ACOT12: variants seen among roughly 807,000 people sequenced by gnomAD.
The protein encoded by ACOT12 is acyl-CoA thioesterase 12.
Under a neutral mutation model 67.7 loss-of-function variants are expected in ACOT12, and 51 were observed. The ratio of observed to expected loss-of-function variants is 0.75; its 90% CI spans 0.60 to 0.95. The LOEUF (loss-of-function observed/expected upper bound fraction) is 0.95, where lower values mean the gene tolerates loss of function less well. ACOT12 is among the 40% of genes least tolerant of loss of function. The pLI is 0.00. For synonymous variants in ACOT12, 251 were observed against 244.6 expected (o/e 1.03, Z -0.24); for missense variants, 734 against 708.1 (o/e 1.04, Z -0.41).
intron 1 of ACOT12, among the ~76,000 whole-genome samples, chr5:81,388,998 T>C (rs1760800037): frequency 6.6e-6 from 1 of 152,230 alleles, no homozygotes. Context: ...TGTGAGTCCG[T>C]TAAATCTCTT....
chr5:81,389,929 T>C (rs1427455690), intron 1 of ACOT12, among the ~76,000 whole-genome samples: 1 of 150,896 alleles, frequency 6.6e-6, no homozygotes, highest in African/African-American at 2.4e-5. Context: ...TTTCCACAAA[T>C]CTCTGACACT....
chr5:81,386,735 C>T (rs751096863), intron 1 of ACOT12, among the ~76,000 whole-genome samples: 18 of 152,086 alleles, frequency 1.2e-4, no homozygotes, highest in South Asian at 2.1e-4. Flanking sequence ...CTTCCTTGTG[C>T]GTACTGGATC....
At chr5:81,382,682 T>C (rs796170683) in intron 2 of ACOT12, among the ~76,000 whole-genome samples, 26 of 151,966 alleles carry the variant, frequency 1.7e-4, no homozygotes, top group African/African-American at 6.0e-4. Flanking sequence ...GCCCCTGTAA[T>C]CCCAGCTACT....
At chr5:81,382,479 T>C (rs1760610501) in intron 2 of ACOT12, among the ~76,000 whole-genome samples, 1 of 152,134 alleles carries the variant, frequency 6.6e-6, no homozygotes, top group Admixed American at 6.5e-5. Context: ...TGCTCAAAGA[T>C]GGGGCAGTCT....
the ACOT12 span, chr5:81,312,625 A>G: frequency 6.2e-7 from 1 of 1,613,922 alleles, no homozygotes. Context: ...AAACCGCAAA[A>G]ACCCAAAACA....
At position 81,344,874 on chromosome 5, in the gene ACOT12, G is replaced by A. The variant is rs373801940; in HGVS notation, c.924+17C>T. The A allele has an allele frequency of 1.2e-4, 191 of 1,613,778 alleles. No homozygotes were observed. The highest frequency in any genetic ancestry group is 2.7e-4 in the Admixed American group (16 of 60,020). The stretch of plus-strand genomic sequence containing the variant: ...TTCACAGGTCCGGCTATTGAACCTC[G>A]TGTGATAATAACTGACCTTTGAAAT... On this transcript the variant is annotated intron_variant, in intron 8 of 14. Transcript: ENST00000307624.
At chr5:81,387,406 C>T (rs1268098550) in intron 1 of ACOT12, among the ~76,000 whole-genome samples, 1 of 152,034 alleles carries the variant, frequency 6.6e-6, no homozygotes, top group East Asian at 1.9e-4. Flanking sequence ...ATGCTTAAAT[C>T]ATTGATTAAA....
chr5:81,324,813 A>G, the ACOT12 span, among the ~76,000 whole-genome samples: 1 of 152,230 alleles, frequency 6.6e-6, no homozygotes, highest in Non-Finnish European at 1.5e-5. Context: ...AGTCAAGAAC[A>G]GGGCCATTAG....
At position 81,344,873 on chromosome 5, in the gene ACOT12, C is replaced by G; in HGVS notation, c.924+18G>C. Reference sequence around the variant, plus strand: ...ATTCACAGGTCCGGCTATTGAACCTCGTGTGATAATAACTGACCTTTGAAA... The same window carrying G: ...ATTCACAGGTCCGGCTATTGAACCTGGTGTGATAATAACTGACCTTTGAAA... On this transcript the variant is annotated intron_variant, in intron 8 of 14. Transcript: ENST00000307624. The G allele has an allele frequency of 1.9e-6, 3 of 1,613,672 alleles. No individual in the cohort carries two copies. The highest frequency in any genetic ancestry group is 2.5e-6 in the Non-Finnish European group (3 of 1,179,660).
the ACOT12 span, among the ~76,000 whole-genome samples, chr5:81,323,083 G>GA: frequency 8.6e-3 from 899 of 104,068 alleles, 2 homozygotes; most frequent in South Asian, 0.019. Context: ...ATAGCAAAAA[G>GA]AAAAAAAAAA....
chr5:81,376,991 A>G (rs1760438389), intron 2 of ACOT12, among the ~76,000 whole-genome samples: 1 of 152,230 alleles, frequency 6.6e-6, no homozygotes, highest in African/African-American at 2.4e-5. Context: ...TCATTCTGTG[A>G]GGCCAGCATC....
At chr5:81,354,493 G>C (rs1447082857) in intron 5 of ACOT12, among the ~76,000 whole-genome samples, 2 of 152,096 alleles carry the variant, frequency 1.3e-5, no homozygotes, top group Non-Finnish European at 2.9e-5. Flanking sequence ...GTTACCTTGA[G>C]GGGGGTGTGA....
At chr5:81,343,692 T>G (rs1220903699) in intron 10 of ACOT12, 126 bp downstream of exon 10, 2 of 868,404 alleles carry the variant, frequency 2.3e-6, no homozygotes, top group Non-Finnish European at 3.6e-6. Flanking sequence ...TTGACATGAC[T>G]GGCTGATATA....
chr5:81,342,644 A>C (rs1181505753), intron 11 of ACOT12, 28 bp downstream of exon 11: 1 of 1,611,046 alleles, frequency 6.2e-7, no homozygotes, highest in Non-Finnish European at 8.5e-7. Flanking sequence ...TGGGCGATGG[A>C]TTATGCAAAT....
chr5:81,360,025 G>A lies in ACOT12; in HGVS notation c.374C>T (p.Pro125Leu), dbSNP rs1202517021. The part of the protein sequence containing the change: ...PVGKEKIHLK[P>L]VTLLTEQDHV... ...ATCTTGTTCAGTTAGAAGTGTGACT[G>A]GTTTTAAATGAATCTAGAGAAAGAA... Residue 125 changes from proline to leucine, a missense_variant, in exon 5 of 15, where the codon CCA becomes CTA. Physicochemically the swap from Pro to Leu is moderately conservative, Grantham distance 98 (BLOSUM62 -3). Coordinates refer to ENST00000307624, the MANE Select transcript of ACOT12 (RefSeq NM_130767.3). 6.2e-7 allele frequency: 1 copy of A among 1,600,808 alleles called. No individual in the cohort carries two copies. The highest frequency in any genetic ancestry group is 1.3e-5 in the African/African-American group (1 of 74,288).
chr5:81,322,801 A>T, the ACOT12 span, among the ~76,000 whole-genome samples: 4 of 152,322 alleles, frequency 2.6e-5, no homozygotes, highest in East Asian at 7.7e-4. Flanking sequence ...AGGGCAGAGG[A>T]TGGAGTGAAT....
the ACOT12 span, among the ~76,000 whole-genome samples, chr5:81,316,411 G>GT: frequency 2.0e-5 from 3 of 152,170 alleles, no homozygotes; most frequent in Non-Finnish European, 4.4e-5. Flanking sequence ...GCAATATGTG[G>GT]TTTTTTGTGA....
chr5:81,340,450 C>T (rs6881478), intron 11 of ACOT12, among the ~76,000 whole-genome samples: 4,357 of 152,270 alleles, frequency 0.029, 86 homozygotes, highest in African/African-American at 0.059. Context: ...CAACCTCTGC[C>T]GCCCAGGTTC....
At position 81,332,699 on chromosome 5, in the gene ACOT12, C is replaced by T. The variant is rs1359076133; in HGVS notation, c.1263-94G>A. 3 of 1,469,956 alleles carry T rather than the reference C, an allele frequency of 2.0e-6. No individual in the cohort carries two copies. In the African/African-American group the frequency reaches 4.2e-5, roughly 20 times the overall value. 91.1% of individuals were successfully genotyped at this position (1,469,956 alleles called of 1,614,324 possible). A position where few individuals can be genotyped will look rare whatever the true frequency, so the allele number is the denominator to read the frequency against. On this transcript the variant is annotated intron_variant, in intron 12 of 14. Transcript: ENST00000307624. Reference sequence around the variant, plus strand: ...CTTACATAATCTCATTATTTGTATCCATATTTGCCCCTTCAGCTCACCTAA... The same window carrying T: ...CTTACATAATCTCATTATTTGTATCTATATTTGCCCCTTCAGCTCACCTAA...
Sources: gnomAD v4.1 joint callset for allele counts (sites outside exome capture counted in the v4.1 genomes callset) on GRCh38, gnomAD v4.1.1 for gene constraint, MANE v1.5 for transcripts, NCBI Gene and HGNC (gene_info 2026-07-23, HGNC 2026-07-21) for gene names.